Variants in GRID2 observed in about 807,000 individuals in gnomAD.
GRID2 encodes the protein glutamate ionotropic receptor delta type subunit 2, also known as glutamate receptor ionotropic, delta-2.
GRID2 carries 33 observed loss-of-function variants against 114.8 expected under a neutral mutation model. That is an observed-to-expected ratio of 0.29 (90% confidence interval 0.22 to 0.38). GRID2 has a LOEUF of 0.38. Among genes scored for constraint, GRID2 ranks in the 10% least tolerant of loss-of-function variants. GRID2 has a pLI of 1.00. For synonymous variants in GRID2, 505 were observed against 449.9 expected (o/e 1.12, Z -1.55); for missense variants, 1,184 against 1,257.7 (o/e 0.94, Z 0.89).
At chr4:93,025,884 A>T (rs35732212) in intron 2 of GRID2, among the ~76,000 whole-genome samples, 3,829 of 151,762 alleles carry the variant, frequency 0.025, 83 homozygotes, top group African/African-American at 0.055. Context: ...GCTTTCTAGA[A>T]TAAAAGAGAT....
intron 13 of GRID2, among the ~76,000 whole-genome samples, chr4:93,542,694 T>A (rs1212903793): frequency 6.6e-6 from 1 of 152,022 alleles, no homozygotes; most frequent in African/African-American, 2.4e-5. Flanking sequence ...AAGAGGTGGG[T>A]CTGGTCGCAA....
intron 10 of GRID2, among the ~76,000 whole-genome samples, chr4:93,454,894 C>A (rs936953292): frequency 6.6e-6 from 1 of 151,932 alleles, no homozygotes; most frequent in Non-Finnish European, 1.5e-5. Flanking sequence ...TATGTATTAT[C>A]ATATTATGCA....
At chr4:92,400,781 GA>G (rs1256652528) in intron 1 of GRID2, among the ~76,000 whole-genome samples, 3 of 151,734 alleles carry the variant, frequency 2.0e-5, no homozygotes, top group African/African-American at 7.2e-5. Context: ...TGCATGCCTT[GA>G]AAAAAAATTA....
intron 2 of GRID2, among the ~76,000 whole-genome samples, chr4:92,679,698 T>C (rs1043982322): frequency 1.3e-5 from 2 of 152,078 alleles, no homozygotes; most frequent in Admixed American, 6.5e-5. Flanking sequence ...TATTTAGATC[T>C]GTTAATTGCG....
At chr4:92,397,674 G>A (rs1019213028) in intron 1 of GRID2, among the ~76,000 whole-genome samples, 2 of 152,068 alleles carry the variant, frequency 1.3e-5, no homozygotes, top group African/African-American at 4.8e-5. Context: ...AGAAGTAGTA[G>A]AGGAGAGTGG....
chr4:93,385,052 C>T (rs1371730672), intron 8 of GRID2, among the ~76,000 whole-genome samples: 3 of 152,118 alleles, frequency 2.0e-5, no homozygotes, highest in Non-Finnish European at 4.4e-5. Context: ...AAATTCTCTT[C>T]AAAGTTGATA....
intron 13 of GRID2, among the ~76,000 whole-genome samples, chr4:93,580,083 G>A (rs1736809992): frequency 1.3e-5 from 2 of 152,194 alleles, no homozygotes; most frequent in African/African-American, 4.8e-5. Flanking sequence ...CATAACAGAT[G>A]TACAATTAAT....
chr4:92,523,845 G>A (rs531688158), intron 1 of GRID2, among the ~76,000 whole-genome samples: 2 of 152,046 alleles, frequency 1.3e-5, no homozygotes, highest in African/African-American at 4.8e-5. Flanking sequence ...AAGAAGGGAA[G>A]GGATAAGGTG....
chr4:92,588,741 A>C (rs1289282513), intron 1 of GRID2, among the ~76,000 whole-genome samples: 1 of 151,568 alleles, frequency 6.6e-6, no homozygotes, highest in Non-Finnish European at 1.5e-5. Context: ...AGCCATGGAC[A>C]GGTATTCAAA....
Position 93,085,178 on chromosome 4 carries a change from C to T in GRID2, c.428C>T (p.Thr143Ile), listed in dbSNP as rs1195780424. ...LTRSNRNDDY[T>I]LSVRPPVYLH... ...CGGAGCAACAGGAATGATGACTACA[C>T]TCTCTCAGTTCGCCCACCTGTCTAC... The change falls in exon 3 of 16, where the codon ACT becomes ATT. Residue 143 changes from threonine to isoleucine, a missense_variant. By Grantham distance (89) the Thr-to-Ile change is moderately conservative (BLOSUM62 -1). Coordinates refer to ENST00000282020, the MANE Select transcript of GRID2 (RefSeq NM_001510.4). 6.2e-7 allele frequency: 1 copy of T among 1,613,728 alleles called. No individual in the cohort carries two copies. The highest frequency in any genetic ancestry group is 2.2e-5 in the East Asian group (1 of 44,876).
chr4:93,220,760 A>G (rs940538027), intron 6 of GRID2, among the ~76,000 whole-genome samples: 1 of 152,170 alleles, frequency 6.6e-6, no homozygotes, highest in East Asian at 1.9e-4. Context: ...AGTGATAAAC[A>G]TTCTATTCCT....
chr4:93,547,036 G>T (rs11939497), intron 13 of GRID2, among the ~76,000 whole-genome samples: 48,387 of 151,870 alleles, frequency 0.32, 8,559 homozygotes, highest in African/African-American at 0.46. Flanking sequence ...AAAGACACAG[G>T]GCTTTGCCAT....
intron 1 of GRID2, among the ~76,000 whole-genome samples, chr4:92,433,290 GGCTCTGGGCCCAGCACAGCACTAAGCT>G (rs1366134844): frequency 6.6e-6 from 1 of 152,174 alleles, no homozygotes; most frequent in Admixed American, 6.5e-5. Context: ...CAAGTCCACT[GGCTCTGGGCCCAGCACAGCACTAAGCT>G]GTGCTCAGGA....
intron 11 of GRID2, among the ~76,000 whole-genome samples, chr4:93,479,405 T>C (rs1725639389): frequency 6.6e-6 from 1 of 152,096 alleles, no homozygotes; most frequent in African/African-American, 2.4e-5. Flanking sequence ...GATGTAGATA[T>C]AGATATTTGA....
intron 14 of GRID2, among the ~76,000 whole-genome samples, chr4:93,651,836 G>T (rs1210168309): frequency 2.0e-5 from 3 of 152,106 alleles, no homozygotes; most frequent in Non-Finnish European, 4.4e-5. Flanking sequence ...GGTAGGCTGT[G>T]GAGCTATAGC....
chr4:92,688,037 C>CTTTTTTTTTTTTTTTTTTTTTTT lies in GRID2; in HGVS notation c.244+97758_244+97780dup, dbSNP rs760605020. On this transcript the variant is annotated intron_variant, in intron 2 of 15. Coordinates refer to ENST00000282020, the MANE Select transcript of GRID2 (RefSeq NM_001510.4). Reference sequence around the variant, plus strand: ...GCCACATTGGTTGACCCTTCTTCTTCTTTTTTTTTTTTTTTTTTTTTTTTT... The same window carrying CTTTTTTTTTTTTTTTTTTTTTTT: ...GCCACATTGGTTGACCCTTCTTCTTCTTTTTTTTTTTTTTTTTTTTTTTTTTTTTTTTTTTTTTTTTTTTTTTT... Among the ~76,000 whole-genome samples the CTTTTTTTTTTTTTTTTTTTTTTT allele has an allele frequency of 2.5e-4, 11 of 44,656 alleles. 1 individual carries two copies. The highest frequency in any genetic ancestry group is 7.9e-4 in the South Asian group (1 of 1,268). 29.3% of individuals were successfully genotyped at this position (44,656 alleles called of 152,430 possible).
At chr4:93,525,829 G>A (rs751065338) in intron 13 of GRID2, among the ~76,000 whole-genome samples, 1 of 152,046 alleles carries the variant, frequency 6.6e-6, no homozygotes, top group African/African-American at 2.4e-5. Flanking sequence ...TTCTCCAAAG[G>A]ATTTTCCAGC....
intron 14 of GRID2, among the ~76,000 whole-genome samples, chr4:93,635,708 C>T (rs532451723): frequency 1.3e-3 from 198 of 152,102 alleles, no homozygotes; most frequent in Admixed American, 2.2e-3. Context: ...TGACGGATAT[C>T]CTATGAGTTT....
At chr4:93,530,531 T>C (rs1257353663) in intron 13 of GRID2, among the ~76,000 whole-genome samples, 1 of 152,172 alleles carries the variant, frequency 6.6e-6, no homozygotes, top group Non-Finnish European at 1.5e-5. Context: ...GCCTGCCTTC[T>C]TTTTCTGTCT....
Sources: gnomAD v4.1 joint callset for allele counts (sites outside exome capture counted in the v4.1 genomes callset) on GRCh38, gnomAD v4.1.1 for gene constraint, MANE v1.5 for transcripts, NCBI Gene and HGNC (gene_info 2026-07-23, HGNC 2026-07-21) for gene names.